The following OPCML variants were observed in gnomAD, a reference collection of about 807,000 sequenced individuals.
OPCML encodes the protein opioid-binding protein/cell adhesion molecule.
In OPCML, 13 loss-of-function variants were observed where a neutral mutation model predicts 37.8. The observed-to-expected ratio is 0.34, with a 90% CI of 0.22 to 0.55. The LOEUF is 0.55. OPCML is among the 20% of genes least tolerant of loss of function. The pLI is 0.91. For synonymous variants in OPCML, 176 were observed against 168.8 expected, an observed-to-expected ratio of 1.04 and a Z score of -0.33; for missense variants, 341 against 435.6, an observed-to-expected ratio of 0.78 and a Z score of 1.93.
chr11:133,530,352 A>C (rs2120766941), intron 1 of OPCML, among the ~76,000 whole-genome samples: 1 of 152,316 alleles, frequency 6.6e-6, no homozygotes, highest in Middle Eastern at 3.4e-3. Context: ...TTGCTTTCTA[A>C]AGTGTAATGT....
intron 1 of OPCML, among the ~76,000 whole-genome samples, chr11:133,268,930 G>A (rs1332807835): frequency 1.3e-5 from 2 of 152,134 alleles, no homozygotes; most frequent in Admixed American, 1.3e-4. Context: ...TGGTCCCGAG[G>A]ACTTACATCC....
chr11:133,136,641 T>C (rs1054298319), intron 1 of OPCML, among the ~76,000 whole-genome samples: 1 of 150,232 alleles, frequency 6.7e-6, no homozygotes, highest in Non-Finnish European at 1.5e-5. Flanking sequence ...ACTGAGAGAA[T>C]AGGGAAAAGG....
At chr11:132,998,815 A>G (rs918372754) in intron 1 of OPCML, among the ~76,000 whole-genome samples, 1 of 152,232 alleles carries the variant, frequency 6.6e-6, no homozygotes, top group Non-Finnish European at 1.5e-5. Flanking sequence ...TCTATGAACC[A>G]GGAAGTAGGC....
chr11:132,530,510 A>G (rs1178904765), intron 3 of OPCML, among the ~76,000 whole-genome samples: 1 of 152,000 alleles, frequency 6.6e-6, no homozygotes, highest in African/African-American at 2.4e-5. Context: ...CCAAGTAATC[A>G]TGGAAGCAAA....
At chr11:133,502,388 C>G (rs897376871) in intron 1 of OPCML, among the ~76,000 whole-genome samples, 1 of 152,168 alleles carries the variant, frequency 6.6e-6, no homozygotes, top group Non-Finnish European at 1.5e-5. Flanking sequence ...ATGCTGTTCT[C>G]GTACACCCCA....
rs568995294 is a variant in OPCML at position 132,568,041 on chromosome 11, T to C, written c.380-38855A>G. Among the ~76,000 whole-genome samples, 627 of 150,494 alleles carry C rather than the reference T, an allele frequency of 4.2e-3. 3 individuals are homozygous for C. Among genetic ancestry groups the C allele is most frequent in the African/African-American group, 0.014 (569 of 40,894 alleles). ...GAATAGATCTGTGTGTGTGTGTGTG[T>C]GCGCGCGCGCGCGTGTGTGTGTGTG... On this transcript the variant is annotated intron_variant, in intron 3 of 7. Transcript: ENST00000524381.
At chr11:132,589,655 G>A (rs1034144917) in intron 3 of OPCML, among the ~76,000 whole-genome samples, 2 of 152,180 alleles carry the variant, frequency 1.3e-5, no homozygotes, top group Non-Finnish European at 2.9e-5. Flanking sequence ...GGCAAAGGCC[G>A]GGTGTCCTAG....
Position 133,484,063 on chromosome 11 carries a change from TAGATAGATAGATAGATA to T in OPCML, c.61+48184_61+48200del, listed in dbSNP as rs1565660018. Among the ~76,000 whole-genome samples the T allele has an allele frequency of 3.0e-3, 457 of 150,992 alleles. 3 individuals carry two copies. The highest frequency in any genetic ancestry group is 0.01 in the African/African-American group (426 of 41,026). ...ATAGATAGATAGATAGATAGATAGA[TAGATAGATAGATAGATA>T]GATTCATAGATGAATAGATAGATTA... is the stretch of plus-strand genomic sequence containing the variant. On this transcript the variant is annotated intron_variant, in intron 1 of 7. Transcript: ENST00000524381.
intron 2 of OPCML, among the ~76,000 whole-genome samples, chr11:132,899,242 G>A (rs1411484075): frequency 1.3e-5 from 2 of 152,194 alleles, no homozygotes; most frequent in African/African-American, 4.8e-5. Context: ...AACAAGGACA[G>A]TAATTGTCAT....
intron 1 of OPCML, among the ~76,000 whole-genome samples, chr11:133,262,922 G>A (rs1313846188): frequency 2.0e-5 from 3 of 151,830 alleles, no homozygotes; most frequent in Non-Finnish European, 4.4e-5. Context: ...CGAGATCAGC[G>A]ATGTTCAGGA....
Position 132,580,842 on chromosome 11 carries a change from A to G in OPCML, c.380-51656T>C, listed in dbSNP as rs533924802. Among the ~76,000 whole-genome samples the G allele has an allele frequency of 2.4e-4, 37 of 152,352 alleles. No individual in the cohort carries two copies. The South Asian group carries it at 5.2e-3, about 21-fold the overall frequency. On this transcript the variant is annotated intron_variant, in intron 3 of 7. Transcript: ENST00000524381. ...ACCAAATCAATGTGCACTGGTCTGC[A>G]GAAGAATTAATTCCATAGGGGCCTT...
At chr11:132,784,340 C>T (rs1183488428) in intron 2 of OPCML, among the ~76,000 whole-genome samples, 5 of 152,116 alleles carry the variant, frequency 3.3e-5, no homozygotes, top group African/African-American at 7.2e-5. Flanking sequence ...TACCCCTAAC[C>T]GATCACACAG....
intron 1 of OPCML, among the ~76,000 whole-genome samples, chr11:133,129,923 A>T (rs545827517): frequency 6.6e-6 from 1 of 152,264 alleles, no homozygotes; most frequent in South Asian, 2.1e-4. Context: ...TAAAATAAAT[A>T]CATAAATAAA....
intron 2 of OPCML, among the ~76,000 whole-genome samples, chr11:132,933,028 A>G (rs572962892): frequency 2.6e-5 from 4 of 152,154 alleles, no homozygotes; most frequent in Non-Finnish European, 5.9e-5. Flanking sequence ...ACATTTCACT[A>G]AGCACCCATT....
chr11:133,089,000 T>C (rs1463467559), intron 1 of OPCML, among the ~76,000 whole-genome samples: 2 of 152,224 alleles, frequency 1.3e-5, no homozygotes, highest in South Asian at 2.1e-4. Flanking sequence ...ATGTAGTTTC[T>C]AGATGAACCC....
rs147764949 is a variant in OPCML, at chr11:133,259,283, T to C, written c.61+272981A>G. On this transcript the variant is annotated intron_variant, in intron 1 of 7. Coordinates refer to ENST00000524381, the MANE Select transcript of OPCML (RefSeq NM_001012393.5). ...CTTCAAGTGTTAATACATTTAATTC[T>C]CAATTCAAATTTATGGGCTTATATT... 9.2e-5 allele frequency among the ~76,000 whole-genome samples: 14 copies of C among 152,346 alleles called. No homozygotes were observed. The East Asian group carries it at 1.9e-3, about 21-fold the overall frequency.
chr11:133,450,590 T>TA lies in OPCML; in HGVS notation c.61+81673dup, dbSNP rs977957842. Among the ~76,000 whole-genome samples, 8 of 150,110 alleles carry TA rather than the reference T, an allele frequency of 5.3e-5. 1 individual carries two copies. In the East Asian group the frequency reaches 5.8e-4, roughly 11 times the overall value. ...ATAAATAGAAAAACAAAATGGAATT[T>TA]AAAAAAAAACAAGCGAGTGAGAGAG... On this transcript the variant is annotated intron_variant, in intron 1 of 7. Coordinates refer to ENST00000524381, the MANE Select transcript of OPCML (RefSeq NM_001012393.5).
intron 7 of OPCML, among the ~76,000 whole-genome samples, chr11:132,431,247 G>T (rs1285553608): frequency 6.6e-6 from 1 of 152,350 alleles, no homozygotes; most frequent in East Asian, 1.9e-4. Flanking sequence ...CCCAAATTCA[G>T]CCCAGACACT....
intron 7 of OPCML, among the ~76,000 whole-genome samples, chr11:132,433,273 G>C (rs927508825): frequency 6.6e-6 from 1 of 152,290 alleles, no homozygotes; most frequent in East Asian, 1.9e-4. Flanking sequence ...GAGTCATGCC[G>C]CTTTGATGAA....
Sources: allele counts gnomAD v4.1 joint callset (sites outside exome capture counted in the v4.1 genomes callset), GRCh38; gene constraint gnomAD v4.1.1; transcripts MANE v1.5; gene names NCBI Gene and HGNC (gene_info 2026-07-23, HGNC 2026-07-21).